Variants in DGCR2 observed in about 807,000 individuals in gnomAD.
The protein encoded by DGCR2 is integral membrane protein DGCR2/IDD.
DGCR2 carries 24 observed loss-of-function variants against 51.6 expected under a neutral mutation model. The ratio of observed to expected loss-of-function variants is 0.47; its 90% CI spans 0.34 to 0.65. The LOEUF is 0.65. Ranked by LOEUF, DGCR2 falls within the 30% of genes least tolerant of loss-of-function variation. The pLI, the probability that DGCR2 is intolerant of heterozygous loss-of-function variation, is 0.01. For synonymous variants in DGCR2, 340 were observed against 315.4 expected (o/e 1.08, Z -0.82); for missense variants, 765 against 772.1 (o/e 0.99, Z 0.11).
intron 6 of DGCR2, chr22:19,056,486 G>T: frequency 1.9e-6 from 1 of 540,276 alleles, no homozygotes. Flanking sequence ...GAAGAGGAAG[G>T]GGACCTGCCC....
intron 4 of DGCR2, among the ~76,000 whole-genome samples, chr22:19,064,401 T>C (rs539654160): frequency 4.6e-5 from 7 of 152,334 alleles, no homozygotes; most frequent in Non-Finnish European, 1.0e-4. Flanking sequence ...AGGGCATAAC[T>C]GTGGAGTCAA....
At chr22:19,083,763 T>TGCC (rs1398353279) in intron 2 of DGCR2, among the ~76,000 whole-genome samples, 1 of 137,282 alleles carries the variant, frequency 7.3e-6, no homozygotes, top group African/African-American at 2.8e-5. Context: ...CTCCCTCTGA[T>TGCC]GCCGAGCTGA....
chr22:19,082,283 C>G (rs1416157048), intron 2 of DGCR2, among the ~76,000 whole-genome samples: 1 of 126,792 alleles, frequency 7.9e-6, no homozygotes, highest in African/African-American at 3.1e-5. Flanking sequence ...CCTGGCTGGT[C>G]TGGAACTCTT....
At chr22:19,113,229 G>A (rs2083335535) in intron 1 of DGCR2, among the ~76,000 whole-genome samples, 1 of 152,062 alleles carries the variant, frequency 6.6e-6, no homozygotes. Context: ...AATTAGCCAG[G>A]TGTGGTGGCG....
At chr22:19,056,940 C>T in intron 6 of DGCR2, 46 bp downstream of exon 6, 2 of 1,508,092 alleles carry the variant, frequency 1.3e-6, no homozygotes, top group Non-Finnish European at 1.8e-6. Context: ...CAAAGTGACA[C>T]AAGGGCCCAG....
chr22:19,108,924 G>T (rs1031331785), intron 1 of DGCR2, among the ~76,000 whole-genome samples: 2 of 151,940 alleles, frequency 1.3e-5, no homozygotes, highest in African/African-American at 4.8e-5. Flanking sequence ...CCAACTACAT[G>T]GGAGGCTGAG....
At chr22:19,039,873 C>T (rs1387284629) in intron 9 of DGCR2, among the ~76,000 whole-genome samples, 1 of 150,924 alleles carries the variant, frequency 6.6e-6, no homozygotes. Context: ...CCACTATGCA[C>T]GGCTAGTTCT....
At chr22:19,043,037 C>T (rs529823558) in intron 7 of DGCR2, among the ~76,000 whole-genome samples, 3 of 152,288 alleles carry the variant, frequency 2.0e-5, no homozygotes, top group Non-Finnish European at 4.4e-5. Context: ...ACGCACCAAG[C>T]GCAGGTGTAG....
intron 1 of DGCR2, among the ~76,000 whole-genome samples, chr22:19,113,355 C>T (rs1412656335): frequency 2.0e-5 from 3 of 150,224 alleles, no homozygotes; most frequent in East Asian, 2.0e-4. Flanking sequence ...GGCAACAGAG[C>T]GAGACTCCGT....
intron 1 of DGCR2, among the ~76,000 whole-genome samples, chr22:19,115,764 G>A (rs1283468918): frequency 3.9e-5 from 6 of 152,132 alleles, no homozygotes; most frequent in East Asian, 1.9e-4. Context: ...CAAGTCATAC[G>A]CAGTCCCTCT....
chr22:19,066,401 G>A (rs139296413), intron 3 of DGCR2, among the ~76,000 whole-genome samples: 1 of 151,750 alleles, frequency 6.6e-6, no homozygotes, highest in Admixed American at 6.6e-5. Flanking sequence ...GTGAGACCCT[G>A]TCTGAAAAAA....
At chr22:19,122,078 CG>C in intron 1 of DGCR2, 49 bp downstream of exon 1, 1 of 1,383,826 alleles carries the variant, frequency 7.2e-7, no homozygotes, top group Non-Finnish European at 9.5e-7. Context: ...GGGGCGACCC[CG>C]GCCCCGCTCG....
rs760849958 is a variant in DGCR2 at position 19,063,204 on chromosome 22, T to C, written c.623A>G (p.Lys208Arg). 6 of 1,614,154 alleles carry C rather than the reference T, an allele frequency of 3.7e-6. No homozygotes were observed. In the South Asian group the frequency reaches 4.4e-5, roughly 12 times the overall value. The change falls in exon 5 of 10, where the codon AAA (lysine) becomes AGA (arginine). Residue 208 changes from lysine to arginine, a missense_variant and splice_region_variant. Physicochemically the swap from Lys to Arg is conservative, Grantham distance 26 (BLOSUM62 2). This residue lies in a region of DGCR2 where 370 missense variants were observed against 325.5 expected (regional missense o/e 1.14). Coordinates refer to ENST00000263196, the MANE Select transcript of DGCR2 (RefSeq NM_005137.3). Reference sequence around the variant, plus strand: ...TCCCACACACCAGAAGGGCTCACCTTTGAATGCCACCTCCCAGCGACCTTC... The same window carrying C: ...TCCCACACACCAGAAGGGCTCACCTCTGAATGCCACCTCCCAGCGACCTTC... ...SLEGRWEVAFKGSSEVFLPPD... is the reference protein window; with the variant it reads ...SLEGRWEVAFRGSSEVFLPPD...
At chr22:19,106,147 G>A (rs907048206) in intron 1 of DGCR2, among the ~76,000 whole-genome samples, 4 of 152,152 alleles carry the variant, frequency 2.6e-5, no homozygotes, top group Non-Finnish European at 4.4e-5. Flanking sequence ...AGCCTCGCCA[G>A]GCTGCTTCCT....
intron 5 of DGCR2, among the ~76,000 whole-genome samples, chr22:19,062,773 A>ATTTTTT (rs1248707469): frequency 8.8e-6 from 1 of 113,170 alleles, no homozygotes; most frequent in Non-Finnish European, 2.0e-5. Flanking sequence ...ACACACATGC[A>ATTTTTT]TGCTCACTCT....
chr22:19,044,829 T>C (rs1368191634), intron 7 of DGCR2, among the ~76,000 whole-genome samples: 2 of 152,246 alleles, frequency 1.3e-5, no homozygotes, highest in Non-Finnish European at 2.9e-5. Flanking sequence ...TTCAATAGCA[T>C]TGTTTTGTTT....
rs2525025 is a variant in DGCR2 at position 19,064,929 on chromosome 22, G to C, written c.467C>G (p.Ser156Cys). 2.7e-5 allele frequency: 43 copies of C among 1,613,886 alleles called. No homozygotes were observed. Among genetic ancestry groups the C allele is most frequent in the Non-Finnish European group, 3.5e-5 (41 of 1,180,058 alleles). Residue 156 changes from serine (S) to cysteine (C), a missense_variant, in exon 4 of 10, where the codon TCC becomes TGC. Transcript: ENST00000263196. Reference sequence around the variant, plus strand: ...GACAAAGCGCAGCTCCTGGTCAGTGGAGAAGGTGGCGAGAGAGCCATTCAG... The same window carrying C: ...GACAAAGCGCAGCTCCTGGTCAGTGCAGAAGGTGGCGAGAGAGCCATTCAG... ...QRLNGSLATFSTDQELRFVLA... is the reference protein window; with the variant it reads ...QRLNGSLATFCTDQELRFVLA...
intron 5 of DGCR2, chr22:19,060,890 T>A (rs549502074): frequency 1.9e-6 from 1 of 516,260 alleles, no homozygotes; most frequent in Non-Finnish European, 3.9e-6. Flanking sequence ...TTCAAATGTG[T>A]GTGCAGGGTA....
intron 1 of DGCR2, among the ~76,000 whole-genome samples, chr22:19,109,587 G>A (rs1287592922): frequency 1.3e-5 from 2 of 152,194 alleles, no homozygotes; most frequent in Non-Finnish European, 2.9e-5. Flanking sequence ...CTTAGAAACA[G>A]GAAGTAGGAC....
Sources: gnomAD v4.1 joint callset for allele counts (sites outside exome capture counted in the v4.1 genomes callset) on GRCh38, gnomAD v4.1.1 for gene constraint, gnomAD v4.1.1 regional missense constraint, MANE v1.5 for transcripts, NCBI Gene and HGNC (gene_info 2026-07-23, HGNC 2026-07-21) for gene names.